Variants in MROH1 observed in about 807,000 individuals in gnomAD.
MROH1 encodes the protein maestro heat like repeat family member 1, also known as maestro heat-like repeat-containing protein family member 1.
Under a neutral mutation model 116.5 loss-of-function variants are expected in MROH1, and 117 were observed. The observed-to-expected ratio is 1.00, with a 90% CI of 0.86 to 1.17. The LOEUF is 1.17. Ranked by LOEUF, MROH1 falls within the 50% of genes most tolerant of loss-of-function variation. The pLI, the probability that MROH1 is intolerant of heterozygous loss-of-function variation, is 0.00. For synonymous variants in MROH1, 921 were observed against 583.9 expected, an observed-to-expected ratio of 1.58 and a Z score of -8.32; for missense variants, 1,873 against 1,338.5, an observed-to-expected ratio of 1.40 and a Z score of -6.23.
At chr8:144,226,242 G>A (rs1431084056) in intron 14 of MROH1, among the ~76,000 whole-genome samples, 1 of 152,036 alleles carries the variant, frequency 6.6e-6, no homozygotes, top group African/African-American at 2.4e-5. Flanking sequence ...TTAAATGTGA[G>A]GTGTGTTTGA....
At chr8:144,178,561 G>T (rs548302676) in intron 4 of MROH1, among the ~76,000 whole-genome samples, 135 of 152,272 alleles carry the variant, frequency 8.9e-4, no homozygotes, top group Non-Finnish European at 1.5e-3. Flanking sequence ...GAGCCACCGC[G>T]CCTGTTCGGG....
chr8:144,212,337 G>A (rs1022246151), intron 12 of MROH1, among the ~76,000 whole-genome samples: 6 of 151,890 alleles, frequency 4.0e-5, no homozygotes, highest in East Asian at 1.9e-4. Context: ...CACTTGCCTC[G>A]GCCTCCCAAA....
At chr8:144,155,471 GACT>G (rs1361577175) in intron 1 of MROH1, among the ~76,000 whole-genome samples, 2 of 151,780 alleles carry the variant, frequency 1.3e-5, no homozygotes, top group Non-Finnish European at 2.9e-5. Context: ...GATATCTCTA[GACT>G]ACGTTTGTCC....
rs1222105938 is a variant in MROH1 at position 144,239,199 on chromosome 8, C to T, written c.1591+20C>T. 1 of 750,956 alleles carries T rather than the reference C, an allele frequency of 1.3e-6. No homozygotes were observed. The highest frequency in any genetic ancestry group is 2.4e-6 in the Non-Finnish European group (1 of 409,914). 46.5% of individuals were successfully genotyped at this position (750,956 alleles called of 1,614,324 possible). A position where few individuals can be genotyped will look rare whatever the true frequency, so the allele number is the denominator to read the frequency against. ...CCCATGGTGCGTGCCGCGCCGTACC[C>T]CACCTCCCCACTCCTGCCCCCACTT... On this transcript the variant is annotated intron_variant, in intron 16 of 43. Coordinates refer to ENST00000326134, the MANE Select transcript of MROH1 (RefSeq NM_032450.3).
In MROH1 at chr8:144,156,927, C is replaced by T. The variant is rs1007180008; in HGVS notation, c.-176-4043C>T. ...CCTCCTGAGTAGCTGGGATTACAGGCGCACACCACCACGCCTGGCTAATTT... is the reference window on the plus strand; with the variant it reads ...CCTCCTGAGTAGCTGGGATTACAGGTGCACACCACCACGCCTGGCTAATTT... On this transcript the variant is annotated intron_variant, in intron 1 of 43. Coordinates refer to ENST00000326134, the MANE Select transcript of MROH1 (RefSeq NM_032450.3). Among the ~76,000 whole-genome samples the T allele has an allele frequency of 4.1e-3, 626 of 151,026 alleles. 4 individuals carry two copies. The highest frequency in any genetic ancestry group is 8.9e-3 in the African/African-American group (368 of 41,208).
At chr8:144,232,729 G>C (rs200909208) in intron 14 of MROH1, among the ~76,000 whole-genome samples, 1 of 151,846 alleles carries the variant, frequency 6.6e-6, no homozygotes. Context: ...TCCTGACCTC[G>C]TGATCTGCCC....
chr8:144,258,584 G>A (rs1466382164), intron 35 of MROH1, among the ~76,000 whole-genome samples, 193 bp from the exon 36 acceptor site: 5 of 152,190 alleles, frequency 3.3e-5, no homozygotes, highest in African/African-American at 1.2e-4. Flanking sequence ...CAACATCTGC[G>A]TCCTTGCCTT....
At chr8:144,250,512 C>A in intron 33 of MROH1, 146 bp downstream of exon 33, 1 of 695,434 alleles carries the variant, frequency 1.4e-6, no homozygotes, top group Non-Finnish European at 2.6e-6. Flanking sequence ...CAGAAAGTGA[C>A]ATGGAGCCAG....
intron 7 of MROH1, among the ~76,000 whole-genome samples, chr8:144,184,726 CA>C (rs1228874149): frequency 1.3e-5 from 2 of 152,152 alleles, no homozygotes; most frequent in Non-Finnish European, 2.9e-5. Context: ...GGGCAGGCGT[CA>C]GGTGAGCTGG....
chr8:144,183,029 T>C (rs752721450), intron 7 of MROH1, among the ~76,000 whole-genome samples: 3 of 151,938 alleles, frequency 2.0e-5, no homozygotes, highest in South Asian at 2.1e-4. Flanking sequence ...TGAGCCAAGA[T>C]TGCACCACTG....
chr8:144,255,752 A>T (rs2133274179), intron 35 of MROH1, 47 bp downstream of exon 35: 1 of 717,816 alleles, frequency 1.4e-6, no homozygotes. Context: ...TCGGAAGCAC[A>T]GGCATGCGTG....
chr8:144,182,140 C>T lies in MROH1; in HGVS notation c.562+1617C>T, dbSNP rs1331760721. On this transcript the variant is annotated intron_variant, in intron 7 of 43. Coordinates refer to ENST00000326134, the MANE Select transcript of MROH1 (RefSeq NM_032450.3). The surrounding 1 kb of genome is among the most constrained non-coding windows in gnomAD (Gnocchi z 4.1). Reference sequence around the variant, plus strand: ...GGAGCAGCCTGGGGCCAGAGGAAGCCGTATCAACCGGGTGAGGCCTAGTGG... The same window carrying T: ...GGAGCAGCCTGGGGCCAGAGGAAGCTGTATCAACCGGGTGAGGCCTAGTGG... 2.0e-5 allele frequency among the ~76,000 whole-genome samples: 3 copies of T among 152,132 alleles called. No individual in the cohort carries two copies. The highest frequency in any genetic ancestry group is 7.2e-5 in the African/African-American group (3 of 41,390).
intron 3 of MROH1, among the ~76,000 whole-genome samples, chr8:144,165,498 G>A (rs903344302): frequency 2.0e-5 from 3 of 152,138 alleles, no homozygotes; most frequent in African/African-American, 7.2e-5. Context: ...TTGAACGCTT[G>A]CCTTCAAATG....
chr8:144,168,542 T>C (rs1821576875), intron 4 of MROH1, 102 bp downstream of exon 4: 1 of 1,411,604 alleles, frequency 7.1e-7, no homozygotes, highest in South Asian at 1.4e-5. Flanking sequence ...GTGGGTCGGG[T>C]GTTACGCAGG....
intron 12 of MROH1, among the ~76,000 whole-genome samples, chr8:144,211,232 T>C (rs1260521135): frequency 3.9e-5 from 6 of 152,052 alleles, no homozygotes; most frequent in Non-Finnish European, 8.8e-5. Context: ...ACGATAGGAG[T>C]CATGTGATAT....
chr8:144,190,698 C>G, intron 7 of MROH1, 86 bp from the exon 8 acceptor site: 1 of 1,520,410 alleles, frequency 6.6e-7, no homozygotes, highest in South Asian at 1.3e-5. Context: ...CGTGGGATTT[C>G]TGGAAGGGGC....
chr8:144,168,561 CAT>C, intron 4 of MROH1, 121 bp downstream of exon 4: 1 of 1,175,876 alleles, frequency 8.5e-7, no homozygotes, highest in Non-Finnish European at 1.2e-6. Context: ...GGGGTGGCCA[CAT>C]GTCTAACCCC....
intron 2 of MROH1, among the ~76,000 whole-genome samples, chr8:144,162,245 C>G (rs1220371754): frequency 6.7e-6 from 1 of 150,284 alleles, no homozygotes; most frequent in African/African-American, 2.5e-5. Flanking sequence ...CCACCACACC[C>G]AGCTAATTTC....
intron 7 of MROH1, among the ~76,000 whole-genome samples, chr8:144,181,049 G>A (rs372715929): frequency 6.6e-6 from 1 of 152,234 alleles, no homozygotes. Context: ...GGGATTGGAG[G>A]GCATTTCTGT....
Sources: gnomAD v4.1 joint callset for allele counts (sites outside exome capture counted in the v4.1 genomes callset) on GRCh38, gnomAD v4.1.1 for gene constraint, Gnocchi (gnomAD v3.1) non-coding constraint, MANE v1.5 for transcripts, NCBI Gene and HGNC (gene_info 2026-07-23, HGNC 2026-07-21) for gene names.